SAMD5: variants seen among roughly 807,000 people sequenced by gnomAD.
The protein encoded by SAMD5 is sterile alpha motif domain-containing protein 5.
SAMD5 carries 13 observed loss-of-function variants against 11.3 expected under a neutral mutation model. That is an observed-to-expected ratio of 1.15 (90% CI 0.75 to 1.83). The LOEUF (loss-of-function observed/expected upper bound fraction) is 1.83, where lower values mean the gene tolerates loss of function less well. Among genes scored for constraint, SAMD5 ranks in the 40% most tolerant of loss-of-function variants. The pLI, the probability that SAMD5 is intolerant of heterozygous loss-of-function variation, is 0.00. For missense variants in SAMD5, 255 were observed against 239.1 expected (o/e 1.07, Z -0.44); for synonymous variants, 129 against 111.3 (o/e 1.16, Z -1.00).
At chr6:147,852,463 G>A in the SAMD5 span, among the ~76,000 whole-genome samples, 1 of 148,996 alleles carries the variant, frequency 6.7e-6, no homozygotes, top group Non-Finnish European at 1.5e-5. Context: ...ACATGTGTTT[G>A]ATTTTTTCAG....
At chr6:147,777,127 T>TG in the SAMD5 span, among the ~76,000 whole-genome samples, 1 of 152,056 alleles carries the variant, frequency 6.6e-6, no homozygotes, top group Non-Finnish European at 1.5e-5. Context: ...CAGTAAAAAA[T>TG]GGTGTCTGTG....
chr6:147,716,987 A>G (rs1562358825), intron 1 of SAMD5, among the ~76,000 whole-genome samples: 1 of 152,184 alleles, frequency 6.6e-6, no homozygotes. Flanking sequence ...CCTATTCTCC[A>G]TACATCTCTC....
At chr6:147,749,686 T>G in the SAMD5 span, among the ~76,000 whole-genome samples, 1 of 152,108 alleles carries the variant, frequency 6.6e-6, no homozygotes, top group Non-Finnish European at 1.5e-5. Context: ...GAACCTTGAG[T>G]TGTATTCAGA....
At chr6:147,910,129 G>A in the SAMD5 span, among the ~76,000 whole-genome samples, 1 of 151,960 alleles carries the variant, frequency 6.6e-6, no homozygotes, top group Non-Finnish European at 1.5e-5. Context: ...TGATCAGTAG[G>A]GTTTTTTTAA....
the SAMD5 span, among the ~76,000 whole-genome samples, chr6:147,776,845 G>A: frequency 6.6e-6 from 1 of 152,140 alleles, no homozygotes; most frequent in African/African-American, 2.4e-5. Context: ...TCTCCCAGCG[G>A]GTCATTAATT....
At chr6:147,689,577 A>G (rs1791070481) in intron 1 of SAMD5, among the ~76,000 whole-genome samples, 1 of 152,212 alleles carries the variant, frequency 6.6e-6, no homozygotes, top group South Asian at 2.1e-4. Flanking sequence ...GGAAGTGACT[A>G]AAGGGGCATT....
the SAMD5 span, among the ~76,000 whole-genome samples, chr6:147,760,314 T>A: frequency 6.6e-6 from 1 of 152,190 alleles, no homozygotes; most frequent in African/African-American, 2.4e-5. Flanking sequence ...TAGTTTTGTA[T>A]GAAAGCACAG....
At chr6:147,581,082 G>C (rs971738643) in intron 1 of SAMD5, among the ~76,000 whole-genome samples, 1 of 152,192 alleles carries the variant, frequency 6.6e-6, no homozygotes, top group Non-Finnish European at 1.5e-5. Context: ...GAAAGAGGTA[G>C]CTCTGCTTAG....
At chr6:147,607,527 A>G (rs1789721374) in intron 1 of SAMD5, among the ~76,000 whole-genome samples, 1 of 152,202 alleles carries the variant, frequency 6.6e-6, no homozygotes, top group Non-Finnish European at 1.5e-5. Flanking sequence ...ACATGTCCAC[A>G]CACCTACAGT....
chr6:147,771,391 C>T, the SAMD5 span, among the ~76,000 whole-genome samples: 1 of 152,166 alleles, frequency 6.6e-6, no homozygotes, highest in Non-Finnish European at 1.5e-5. Context: ...TCACACGCAT[C>T]CCCTTTCCGG....
At chr6:147,708,516 T>C (rs1446114012) in intron 1 of SAMD5, among the ~76,000 whole-genome samples, 1 of 152,190 alleles carries the variant, frequency 6.6e-6, no homozygotes, top group Non-Finnish European at 1.5e-5. Context: ...GTGAAGAGCT[T>C]ATGGTGCATA....
chr6:147,734,665 A>C (rs1356426853), intron 1 of SAMD5, among the ~76,000 whole-genome samples: 1 of 134,324 alleles, frequency 7.4e-6, no homozygotes, highest in East Asian at 2.5e-4. Context: ...GTCAGCCGAG[A>C]TCGTGCCACT....
At chr6:147,593,775 C>T (rs996028326) in intron 1 of SAMD5, among the ~76,000 whole-genome samples, 3 of 152,160 alleles carry the variant, frequency 2.0e-5, no homozygotes, top group African/African-American at 7.2e-5. Context: ...TTAGAGGACA[C>T]ATCCATTGTA....
At chr6:147,736,060 C>T (rs1449741852) in intron 1 of SAMD5, among the ~76,000 whole-genome samples, 1 of 152,128 alleles carries the variant, frequency 6.6e-6, no homozygotes, top group African/African-American at 2.4e-5. Flanking sequence ...ATACTTGGCA[C>T]AGTTAAGAGA....
intron 1 of SAMD5, among the ~76,000 whole-genome samples, chr6:147,712,065 CTA>C (rs1397326804): frequency 1.3e-5 from 2 of 152,260 alleles, no homozygotes; most frequent in Non-Finnish European, 1.5e-5. Flanking sequence ...AGATTGGAAA[CTA>C]TAAGAATTTT....
chr6:147,878,741 A>G, the SAMD5 span, among the ~76,000 whole-genome samples: 6 of 151,472 alleles, frequency 4.0e-5, no homozygotes, highest in South Asian at 2.1e-4. Flanking sequence ...TATAGGTCCT[A>G]TTTCTCTAGA....
chr6:147,823,334 A>AC, the SAMD5 span, among the ~76,000 whole-genome samples: 3 of 152,026 alleles, frequency 2.0e-5, no homozygotes, highest in Non-Finnish European at 4.4e-5. Flanking sequence ...GTATCATATC[A>AC]CCCCCAACCA....
At chr6:147,937,656 C>T in the SAMD5 span, among the ~76,000 whole-genome samples, 225 of 152,214 alleles carry the variant, frequency 1.5e-3, 1 homozygote, top group Admixed American at 0.013. Context: ...GACAACATGG[C>T]CTTTGGAATT....
chr6:147,649,808 A>T (rs1010124542), intron 1 of SAMD5, among the ~76,000 whole-genome samples: 15 of 148,352 alleles, frequency 1.0e-4, no homozygotes, highest in Admixed American at 4.7e-4. Flanking sequence ...AAAAAAAAAA[A>T]GTACCAACAG....
Sources: gnomAD v4.1 joint callset for allele counts (sites outside exome capture counted in the v4.1 genomes callset) on GRCh38, gnomAD v4.1.1 for gene constraint, MANE v1.5 for transcripts, NCBI Gene and HGNC (gene_info 2026-07-23, HGNC 2026-07-21) for gene names.